MSI2: variants seen among roughly 807,000 people sequenced by gnomAD.
The protein encoded by MSI2 is musashi RNA binding protein 2.
In MSI2, 17 loss-of-function variants were observed where a neutral mutation model predicts 45.6. The observed-to-expected ratio is 0.37, with a 90% CI of 0.26 to 0.56. The LOEUF (loss-of-function observed/expected upper bound fraction) is 0.56, where lower values mean the gene tolerates loss of function less well. Ranked by LOEUF, MSI2 falls within the 20% of genes least tolerant of loss-of-function variation. MSI2 has a pLI of 0.77. For synonymous variants in MSI2, 156 were observed against 158.2 expected (o/e 0.99, Z 0.11); for missense variants, 293 against 444.2 (o/e 0.66, Z 3.06).
chr17:57,304,096 C>T (rs553717865), intron 5 of MSI2, among the ~76,000 whole-genome samples: 7 of 152,272 alleles, frequency 4.6e-5, no homozygotes, highest in South Asian at 2.1e-4. Flanking sequence ...CCATGGCTCA[C>T]GCCTGTAATC....
intron 5 of MSI2, among the ~76,000 whole-genome samples, chr17:57,391,514 G>T (rs1287946499): frequency 6.6e-6 from 1 of 152,126 alleles, no homozygotes; most frequent in African/African-American, 2.4e-5. Flanking sequence ...ATTTCTGTAG[G>T]CAGAATGACC....
intron 5 of MSI2, chr17:57,274,135 C>T (rs1426828880): frequency 1.3e-5 from 2 of 152,126 alleles, no homozygotes; most frequent in Non-Finnish European, 2.9e-5. Flanking sequence ...CCACATAGGC[C>T]GGGGCCTGAG....
chr17:57,420,856 C>T (rs2084382306), intron 6 of MSI2, among the ~76,000 whole-genome samples: 1 of 152,212 alleles, frequency 6.6e-6, no homozygotes, highest in Non-Finnish European at 1.5e-5. Context: ...CAATTGCCTC[C>T]GCAAACGCAG....
Position 57,615,159 on chromosome 17 carries a change from G to A in MSI2, c.538-811G>A, listed in dbSNP as rs942629068. Among the ~76,000 whole-genome samples the A allele has an allele frequency of 6.2e-5, 9 of 144,180 alleles. 1 individual carries two copies. The Middle Eastern group carries it at 0.01, about 167-fold the overall frequency. 94.6% of individuals were successfully genotyped at this position (144,180 alleles called of 152,430 possible). A position where few individuals can be genotyped will look rare whatever the true frequency, so the allele number is the denominator to read the frequency against. On this transcript the variant is annotated intron_variant, in intron 8 of 13. Coordinates refer to ENST00000284073, the MANE Select transcript of MSI2 (RefSeq NM_138962.4). ...TTTTTTTTTTTTAAGACAGGGTCTCGCTGTGTCACCCAGGCTGGAGTGCAG... is the reference window on the plus strand; with the variant it reads ...TTTTTTTTTTTTAAGACAGGGTCTCACTGTGTCACCCAGGCTGGAGTGCAG...
intron 5 of MSI2, among the ~76,000 whole-genome samples, chr17:57,382,134 A>G (rs757519068): frequency 6.6e-6 from 1 of 152,246 alleles, no homozygotes; most frequent in African/African-American, 2.4e-5. Context: ...ATGCTTTAGG[A>G]TGGTCATTCA....
intron 5 of MSI2, among the ~76,000 whole-genome samples, chr17:57,303,889 T>G (rs566578598): frequency 6.6e-6 from 1 of 152,326 alleles, no homozygotes; most frequent in Non-Finnish European, 1.5e-5. Flanking sequence ...TACAGGCTCT[T>G]CCTGGGGTCT....
chr17:57,294,090 G>A (rs1598083492), intron 5 of MSI2, among the ~76,000 whole-genome samples: 1 of 152,076 alleles, frequency 6.6e-6, no homozygotes, highest in Non-Finnish European at 1.5e-5. Context: ...GGGGCTGGAG[G>A]GGACCCTGCA....
At chr17:57,470,003 C>G (rs901429047) in intron 6 of MSI2, among the ~76,000 whole-genome samples, 2 of 152,202 alleles carry the variant, frequency 1.3e-5, no homozygotes, top group African/African-American at 4.8e-5. Flanking sequence ...CCACCTCTCC[C>G]CTTTCTCTGG....
At chr17:57,305,162 T>C (rs1184686530) in intron 5 of MSI2, among the ~76,000 whole-genome samples, 1 of 152,074 alleles carries the variant, frequency 6.6e-6, no homozygotes, top group Non-Finnish European at 1.5e-5. Context: ...TCAGTTGGGA[T>C]TCAGAATGAG....
At chr17:57,585,144 C>G (rs943244684) in intron 7 of MSI2, among the ~76,000 whole-genome samples, 1 of 152,118 alleles carries the variant, frequency 6.6e-6, no homozygotes, top group Non-Finnish European at 1.5e-5. Context: ...TTAAAAGTAA[C>G]AAGGTGACCT....
At chr17:57,563,098 CAAAAAAAAA>C (rs59975200) in intron 7 of MSI2, among the ~76,000 whole-genome samples, 16 of 71,262 alleles carry the variant, frequency 2.2e-4, no homozygotes, top group African/African-American at 5.8e-4. Flanking sequence ...ACTTCGTCTC[CAAAAAAAAA>C]AAAAAAAAAA....
At chr17:57,364,382 G>T (rs1035598836) in intron 5 of MSI2, among the ~76,000 whole-genome samples, 2 of 152,188 alleles carry the variant, frequency 1.3e-5, no homozygotes, top group African/African-American at 4.8e-5. Context: ...GCAGGTGGCC[G>T]AGGAACTCAA....
chr17:57,388,356 A>C (rs1391215934), intron 5 of MSI2, among the ~76,000 whole-genome samples: 2 of 152,264 alleles, frequency 1.3e-5, no homozygotes, highest in African/African-American at 2.4e-5. Context: ...ATGACTTAAC[A>C]GATGGCTGAG....
intron 6 of MSI2, among the ~76,000 whole-genome samples, chr17:57,451,988 C>T (rs1309812781): frequency 1.3e-5 from 2 of 152,144 alleles, no homozygotes; most frequent in Non-Finnish European, 2.9e-5. Context: ...AGCCGTGACC[C>T]CTCCAAGCTT....
At chr17:57,260,978 G>A (rs1907253943) in intron 4 of MSI2, among the ~76,000 whole-genome samples, 1 of 148,304 alleles carries the variant, frequency 6.7e-6, no homozygotes, top group Non-Finnish European at 1.5e-5. Flanking sequence ...CTTTTTAAAA[G>A]GAAAACATTT....
rs780686665 is a variant in MSI2, at chr17:57,676,910, T to C, written c.946-77T>C. The C allele has an allele frequency of 6.2e-5, 59 of 944,500 alleles. No homozygotes were observed. The Middle Eastern group carries it at 1.5e-3, about 23-fold the overall frequency. 58.5% of individuals were successfully genotyped at this position (944,500 alleles called of 1,614,324 possible). ...GCAACCACAGAACTAGTCCTAGAGA[T>C]AATTTCCTTTCCCAGAATATGACAA... On this transcript the variant is annotated intron_variant, in intron 12 of 13. Transcript: ENST00000284073.
intron 5 of MSI2, among the ~76,000 whole-genome samples, chr17:57,295,812 C>T (rs980923330): frequency 1.3e-5 from 2 of 152,078 alleles, no homozygotes; most frequent in South Asian, 2.1e-4. Context: ...ATTTCCTCAG[C>T]GAAAAGAAGG....
At chr17:57,625,930 G>C (rs1038076586) in intron 9 of MSI2, 1 of 152,282 alleles carries the variant, frequency 6.6e-6, no homozygotes, top group East Asian at 1.9e-4. Flanking sequence ...GCCAGATTCT[G>C]CTACTGACAC....
intron 6 of MSI2, among the ~76,000 whole-genome samples, chr17:57,507,052 C>T (rs2086244571): frequency 1.3e-5 from 2 of 151,976 alleles, no homozygotes; most frequent in Admixed American, 1.3e-4. Flanking sequence ...GTGTTGAATC[C>T]ATAATGTATT....
Sources: gnomAD v4.1 joint callset for allele counts (sites outside exome capture counted in the v4.1 genomes callset) on GRCh38, gnomAD v4.1.1 for gene constraint, MANE v1.5 for transcripts, NCBI Gene and HGNC (gene_info 2026-07-23, HGNC 2026-07-21) for gene names.